The following WDR7 variants were observed in gnomAD, a reference collection of about 807,000 sequenced individuals.
WDR7 encodes the protein WD repeat-containing protein 7.
Under a neutral mutation model 169.4 loss-of-function variants are expected in WDR7, and 46 were observed. The observed-to-expected ratio is 0.27, with a 90% CI of 0.21 to 0.35. The LOEUF is 0.35. Among genes scored for constraint, WDR7 ranks in the 10% least tolerant of loss-of-function variants. The pLI is 1.00. For synonymous variants in WDR7, 612 were observed against 666.8 expected, an observed-to-expected ratio of 0.92 and a Z score of 1.27; for missense variants, 1,534 against 1,859.3, an observed-to-expected ratio of 0.83 and a Z score of 3.22.
intron 22 of WDR7, among the ~76,000 whole-genome samples, chr18:56,927,213 T>C (rs1261189193): frequency 6.6e-6 from 1 of 152,178 alleles, no homozygotes; most frequent in Non-Finnish European, 1.5e-5. Context: ...ACACATATCA[T>C]GGCAGAGTTC....
chr18:56,717,731 G>A (rs543548946), intron 12 of WDR7, among the ~76,000 whole-genome samples: 4 of 152,138 alleles, frequency 2.6e-5, no homozygotes, highest in African/African-American at 9.7e-5. Flanking sequence ...AGTTTTTCCA[G>A]TGTACCTTTT....
At chr18:56,932,677 C>T (rs2145677695) in intron 22 of WDR7, among the ~76,000 whole-genome samples, 1 of 152,272 alleles carries the variant, frequency 6.6e-6, no homozygotes, top group South Asian at 2.1e-4. Context: ...ATTTAGTCTT[C>T]TTGTCAGTGC....
chr18:56,681,831 C>G (rs2025355987), intron 4 of WDR7, among the ~76,000 whole-genome samples: 1 of 152,172 alleles, frequency 6.6e-6, no homozygotes, highest in Non-Finnish European at 1.5e-5. Context: ...TTAAAACTTT[C>G]CAACTCTTCA....
At chr18:56,760,383 A>G (rs564123113) in intron 16 of WDR7, among the ~76,000 whole-genome samples, 61 of 152,220 alleles carry the variant, frequency 4.0e-4, no homozygotes, top group African/African-American at 1.3e-3. Flanking sequence ...CTAAGTTTAA[A>G]TTTCTAAACT....
intron 14 of WDR7, among the ~76,000 whole-genome samples, chr18:56,742,722 C>T (rs2043639312): frequency 6.6e-6 from 1 of 152,122 alleles, no homozygotes; most frequent in African/African-American, 2.4e-5. Context: ...TTAGGACTGG[C>T]TTCTTGGAGG....
At chr18:56,928,830 AAAAT>A (rs2046841924) in intron 22 of WDR7, among the ~76,000 whole-genome samples, 1 of 152,216 alleles carries the variant, frequency 6.6e-6, no homozygotes, top group Non-Finnish European at 1.5e-5. Context: ...GTTACTGAAA[AAAAT>A]AAGATTCAAA....
In WDR7 at chr18:56,828,522, A is replaced by C. The variant is rs1466481429; in HGVS notation, c.3304+12378A>C. 2.6e-5 allele frequency among the ~76,000 whole-genome samples: 4 copies of C among 152,330 alleles called. No individual in the cohort carries two copies. In the South Asian group the frequency reaches 8.3e-4, roughly 32 times the overall value. ...TTAGAAAACATGTTTGAAAAATAAT[A>C]GACAAGACGGATATGGTCCATGGAG... On this transcript the variant is annotated intron_variant, in intron 20 of 27. Coordinates refer to ENST00000254442, the MANE Select transcript of WDR7 (RefSeq NM_015285.3).
intron 20 of WDR7, among the ~76,000 whole-genome samples, chr18:56,821,002 T>C (rs538665219): frequency 6.6e-6 from 1 of 152,358 alleles, no homozygotes; most frequent in South Asian, 2.1e-4. Context: ...TAATATTATA[T>C]AGTATCATTA....
intron 26 of WDR7, among the ~76,000 whole-genome samples, chr18:56,972,821 C>G (rs1052272354): frequency 3.3e-5 from 5 of 152,092 alleles, no homozygotes; most frequent in Non-Finnish European, 7.4e-5. Context: ...TATCCCACCA[C>G]TCACAAGTAC....
Position 56,756,910 on chromosome 18 carries a change from A to G in WDR7, c.2317A>G (p.Arg773Gly), listed in dbSNP as rs367706244. 14 of 1,614,004 alleles carry G rather than the reference A, an allele frequency of 8.7e-6. No homozygotes were observed. The African/African-American group carries it at 1.9e-4, about 22-fold the overall frequency. Residue 773 changes from arginine (R) to glycine (G), a missense_variant, in exon 15 of 28, where the codon AGG becomes GGG. Arg to Gly is a moderately radical substitution (Grantham distance 125). Coordinates refer to ENST00000254442, the MANE Select transcript of WDR7 (RefSeq NM_015285.3). Reference sequence around the variant, plus strand: ...GGATGAGGAGATAATGAGGCAGAGAAGGGAAGAAAGTGATCCTGAATATCG... The same window carrying G: ...GGATGAGGAGATAATGAGGCAGAGAGGGGAAGAAAGTGATCCTGAATATCG... Reference protein sequence around the residue: ...EEDEEIMRQRREESDPEYRSS... With the variant: ...EEDEEIMRQRGEESDPEYRSS...
At chr18:56,948,830 AG>A (rs760324361) in intron 25 of WDR7, among the ~76,000 whole-genome samples, 179 of 152,260 alleles carry the variant, frequency 1.2e-3, no homozygotes, top group Admixed American at 2.6e-3. Context: ...TACACGTGTC[AG>A]GGGCACACAT....
intron 26 of WDR7, among the ~76,000 whole-genome samples, chr18:56,968,948 T>C (rs1757445760): frequency 1.3e-5 from 2 of 152,202 alleles, no homozygotes; most frequent in South Asian, 4.1e-4. Context: ...TCTCCTTTCA[T>C]CTATACTTTT....
chr18:56,844,967 A>G (rs1027724590), intron 20 of WDR7, among the ~76,000 whole-genome samples: 14 of 152,180 alleles, frequency 9.2e-5, no homozygotes, highest in African/African-American at 3.4e-4. Flanking sequence ...TGTTAATGCC[A>G]TTCTGTGCCT....
chr18:56,747,731 T>G (rs950378053), intron 14 of WDR7, among the ~76,000 whole-genome samples: 9 of 152,208 alleles, frequency 5.9e-5, no homozygotes, highest in African/African-American at 1.4e-4. Flanking sequence ...GAGCAGCCTG[T>G]GCAGATGCAG....
intron 26 of WDR7, among the ~76,000 whole-genome samples, chr18:57,014,194 CAT>C (rs2145922864): frequency 6.6e-6 from 1 of 151,870 alleles, no homozygotes; most frequent in South Asian, 2.1e-4. Flanking sequence ...GGCGTCATGG[CAT>C]GCACCTGTAA....
chr18:56,663,479 TA>T (rs1180427749), intron 1 of WDR7, among the ~76,000 whole-genome samples: 2 of 152,206 alleles, frequency 1.3e-5, no homozygotes, highest in African/African-American at 4.8e-5. Context: ...CCCTTATTTT[TA>T]AGTTCTGTCT....
intron 1 of WDR7, among the ~76,000 whole-genome samples, chr18:56,661,337 T>A (rs1318287882): frequency 6.6e-6 from 1 of 152,272 alleles, no homozygotes; most frequent in African/African-American, 2.4e-5. Context: ...TGCTGTAGGT[T>A]GGTGATGGAT....
At chr18:56,864,578 C>G (rs1345323473) in intron 20 of WDR7, among the ~76,000 whole-genome samples, 1 of 151,724 alleles carries the variant, frequency 6.6e-6, no homozygotes, top group Non-Finnish European at 1.5e-5. Context: ...TACATTTGAT[C>G]TAATAACATT....
intron 26 of WDR7, among the ~76,000 whole-genome samples, chr18:56,969,616 C>A (rs1031046898): frequency 6.6e-6 from 1 of 152,174 alleles, no homozygotes; most frequent in Non-Finnish European, 1.5e-5. Flanking sequence ...GCACTCCTGG[C>A]AAACAAAAAT....
Sources: gnomAD v4.1 joint callset for allele counts (sites outside exome capture counted in the v4.1 genomes callset) on GRCh38, gnomAD v4.1.1 for gene constraint, MANE v1.5 for transcripts, NCBI Gene and HGNC (gene_info 2026-07-23, HGNC 2026-07-21) for gene names.